GSG1L: variants seen among roughly 807,000 people sequenced by gnomAD.
GSG1L encodes GSG1 like, also known as germ cell-specific gene 1-like protein.
GSG1L carries 24 observed loss-of-function variants against 42.1 expected under a neutral mutation model. The ratio of observed to expected loss-of-function variants is 0.57; its 90% CI spans 0.41 to 0.80. The LOEUF (loss-of-function observed/expected upper bound fraction) is 0.80. GSG1L is among the 30% of genes least tolerant of loss of function. GSG1L has a pLI of 0.00. For missense variants in GSG1L, 445 were observed against 472.2 expected (o/e 0.94, Z 0.53); for synonymous variants, 215 against 203.5 (o/e 1.06, Z -0.48).
chr16:28,000,619 T>A (rs1003759559), intron 1 of GSG1L, among the ~76,000 whole-genome samples: 9 of 152,200 alleles, frequency 5.9e-5, no homozygotes, highest in Admixed American at 1.3e-4. Context: ...TTTTTTTAAA[T>A]GAGCACCAGA....
chr16:27,874,158 A>C (rs2141014471), intron 3 of GSG1L, among the ~76,000 whole-genome samples: 1 of 152,284 alleles, frequency 6.6e-6, no homozygotes, highest in African/African-American at 2.4e-5. Context: ...AATCCTTTGA[A>C]GTTTGTAATA....
At chr16:27,820,755 C>G (rs1210481472) in intron 5 of GSG1L, among the ~76,000 whole-genome samples, 2 of 151,832 alleles carry the variant, frequency 1.3e-5, no homozygotes, top group African/African-American at 4.9e-5. Flanking sequence ...GGTTCCTACT[C>G]CATCTCCTCT....
At chr16:27,982,912 G>T (rs542373585) in intron 1 of GSG1L, among the ~76,000 whole-genome samples, 1 of 152,230 alleles carries the variant, frequency 6.6e-6, no homozygotes, top group East Asian at 1.9e-4. Flanking sequence ...CCAACATGGG[G>T]GATCACATTT....
At chr16:27,902,831 C>G (rs1273355378) in intron 2 of GSG1L, among the ~76,000 whole-genome samples, 1 of 152,164 alleles carries the variant, frequency 6.6e-6, no homozygotes, top group Non-Finnish European at 1.5e-5. Context: ...GTGACACATG[C>G]GGGAACAGGA....
chr16:27,948,005 A>C (rs1359556560), intron 2 of GSG1L, among the ~76,000 whole-genome samples: 1 of 152,168 alleles, frequency 6.6e-6, no homozygotes. Flanking sequence ...GTGACGGCCA[A>C]AGGGGAGGAA....
chr16:28,047,107 T>C (rs940902576), intron 1 of GSG1L, among the ~76,000 whole-genome samples: 1 of 152,078 alleles, frequency 6.6e-6, no homozygotes, highest in Non-Finnish European at 1.5e-5. Context: ...CCAGCACCCA[T>C]ATGAATAAAA....
intron 5 of GSG1L, among the ~76,000 whole-genome samples, chr16:27,813,680 A>C (rs1262136782): frequency 6.6e-6 from 1 of 152,222 alleles, no homozygotes. Flanking sequence ...GGATCTGCAG[A>C]ATCTGCAGGG....
chr16:28,009,735 G>A lies in GSG1L; in HGVS notation c.350-46532C>T, dbSNP rs192892891. Among the ~76,000 whole-genome samples the A allele has an allele frequency of 9.3e-4, 141 of 152,298 alleles. No individual in the cohort carries two copies. The East Asian group carries it at 0.018, about 19-fold the overall frequency. On this transcript the variant is annotated intron_variant, in intron 1 of 6. Transcript: ENST00000447459. ...GGCCTTGGGTCGGCAAGCCTAGAAC[G>A]GAGTCCCACAGTGGGTGACCCTGAG...
intron 2 of GSG1L, among the ~76,000 whole-genome samples, chr16:27,899,917 CTGGGTG>C (rs2084237061): frequency 6.6e-6 from 1 of 152,184 alleles, no homozygotes; most frequent in Non-Finnish European, 1.5e-5. Flanking sequence ...TACTGTCCAA[CTGGGTG>C]ATGTGGATTC....
chr16:27,940,105 C>A (rs1190971115), intron 2 of GSG1L, among the ~76,000 whole-genome samples: 1 of 152,140 alleles, frequency 6.6e-6, no homozygotes, highest in Non-Finnish European at 1.5e-5. Context: ...TGAAAAAATG[C>A]TCATCATCAC....
Position 27,828,932 on chromosome 16 carries a change from G to T in GSG1L, c.687C>A (p.Cys229Ter). Residue 229 changes from cysteine to a stop codon, truncating the protein, a stop_gained, in exon 5 of 7, where the codon TGC (cysteine) becomes TGA (stop). Transcript: ENST00000447459. LOFTEE classifies it high-confidence loss of function. ...SFCLAWGSFT[C>*]CMAASVTTLN... ...GCGTGGTGACAGAGGCTGCCATGCA[G>T]CAGGTAAAGGAGCCCCACGCCAGGC... 1 of 1,614,226 alleles carries T rather than the reference G, an allele frequency of 6.2e-7. No individual in the cohort carries two copies. Among genetic ancestry groups the T allele is most frequent in the Non-Finnish European group, 8.5e-7 (1 of 1,180,034 alleles).
chr16:27,877,781 G>A (rs1047854731), intron 3 of GSG1L, among the ~76,000 whole-genome samples: 2 of 152,138 alleles, frequency 1.3e-5, no homozygotes, highest in African/African-American at 2.4e-5. Context: ...GCCTCATTTT[G>A]AGAGTGCTGG....
At chr16:27,977,672 A>G (rs915302980) in intron 1 of GSG1L, among the ~76,000 whole-genome samples, 1 of 151,934 alleles carries the variant, frequency 6.6e-6, no homozygotes, top group African/African-American at 2.4e-5. Flanking sequence ...TATTATGGGA[A>G]ATTTCCATCT....
intron 1 of GSG1L, among the ~76,000 whole-genome samples, chr16:28,047,017 T>C (rs2086169383): frequency 6.6e-6 from 1 of 152,204 alleles, no homozygotes; most frequent in Non-Finnish European, 1.5e-5. Context: ...TCCTCTTCAC[T>C]GAATCCAGCT....
chr16:28,006,535 C>T (rs949820987), intron 1 of GSG1L, among the ~76,000 whole-genome samples: 3 of 152,012 alleles, frequency 2.0e-5, no homozygotes, highest in African/African-American at 7.2e-5. Flanking sequence ...TCTTGAACTC[C>T]TTGCCTCAAG....
rs75472882 is a variant in GSG1L at position 27,815,362 on chromosome 16, A to G, written c.831-7808T>C. 4.6e-3 allele frequency among the ~76,000 whole-genome samples: 698 copies of G among 152,224 alleles called. 6 individuals carry two copies. The highest frequency in any genetic ancestry group is 0.016 in the African/African-American group (668 of 41,508). ...TGTGTGATGTACCTGCTCCCGTTCT[A>G]TCATAAGTAAAAGCTTCCTGAGGCC... is the stretch of plus-strand genomic sequence containing the variant. On this transcript the variant is annotated intron_variant, in intron 5 of 6. Transcript: ENST00000447459.
chr16:27,876,676 G>T (rs1436707253), intron 3 of GSG1L, among the ~76,000 whole-genome samples: 1 of 152,266 alleles, frequency 6.6e-6, no homozygotes, highest in South Asian at 2.1e-4. Context: ...GAGTGAAGTT[G>T]GTATGCTTTG....
At chr16:27,797,821 CAAAAAAAAA>C (rs59207468) in intron 6 of GSG1L, among the ~76,000 whole-genome samples, 7 of 77,218 alleles carry the variant, frequency 9.1e-5, no homozygotes, top group Admixed American at 3.0e-4. Context: ...GACTCCATCT[CAAAAAAAAA>C]AAAAAAAAAA....
At chr16:27,954,016 T>C (rs977999225) in intron 2 of GSG1L, among the ~76,000 whole-genome samples, 2 of 152,190 alleles carry the variant, frequency 1.3e-5, no homozygotes, top group Non-Finnish European at 2.9e-5. Flanking sequence ...GACAGGACAA[T>C]GGACAAAGAA....
Sources: allele counts gnomAD v4.1 joint callset (sites outside exome capture counted in the v4.1 genomes callset), GRCh38; gene constraint gnomAD v4.1.1; transcripts MANE v1.5; gene names NCBI Gene and HGNC (gene_info 2026-07-23, HGNC 2026-07-21).